FBXL7: variants seen among roughly 807,000 people sequenced by gnomAD.
FBXL7 encodes the protein F-box and leucine rich repeat protein 7.
Under a neutral mutation model 38.3 loss-of-function variants are expected in FBXL7, and 12 were observed. That is an observed-to-expected ratio of 0.31 (90% CI 0.20 to 0.51). FBXL7 has a LOEUF of 0.51. FBXL7 is among the 20% of genes least tolerant of loss of function. FBXL7 has a pLI of 0.98. For missense variants in FBXL7, 567 were observed against 676.4 expected (o/e 0.84, Z 1.79); for synonymous variants, 297 against 300.9 (o/e 0.99, Z 0.13).
At chr5:15,620,596 C>T (rs1180500513) in intron 2 of FBXL7, among the ~76,000 whole-genome samples, 4 of 151,964 alleles carry the variant, frequency 2.6e-5, no homozygotes, top group African/African-American at 4.8e-5. Flanking sequence ...GGGGAGAGAT[C>T]GGGCCAGCAG....
intron 2 of FBXL7, among the ~76,000 whole-genome samples, chr5:15,689,853 C>G (rs1328596908): frequency 6.6e-6 from 1 of 152,202 alleles, no homozygotes; most frequent in African/African-American, 2.4e-5. Flanking sequence ...ACCAGGGATT[C>G]TCAACCTTGG....
chr5:15,524,372 G>A (rs2126379852), intron 1 of FBXL7, among the ~76,000 whole-genome samples: 1 of 152,260 alleles, frequency 6.6e-6, no homozygotes, highest in Non-Finnish European at 1.5e-5. Flanking sequence ...GGGGGCTGAA[G>A]GGCTCATTTC....
rs1012205227 is a variant in FBXL7 at position 15,928,712 on chromosome 5, C to CT, written c.739+221dup. On this transcript the variant is annotated intron_variant, in intron 3 of 3. Coordinates refer to ENST00000504595, the MANE Select transcript of FBXL7 (RefSeq NM_012304.5). This position sits in a 1 kb window ranked among gnomAD's most constrained non-coding sequence, Gnocchi z 4.0. ...CCCTTTCATCAAATAATGTCCACTT[C>CT]TTTTTTTTTTATTATTATACTTTAA... Among the ~76,000 whole-genome samples the CT allele has an allele frequency of 1.9e-4, 28 of 149,774 alleles. No individual in the cohort carries two copies. Among genetic ancestry groups the CT allele is most frequent in the Admixed American group, 7.3e-4 (11 of 15,016 alleles).
intron 1 of FBXL7, among the ~76,000 whole-genome samples, chr5:15,566,950 T>C (rs776781552): frequency 3.9e-5 from 6 of 152,080 alleles, no homozygotes; most frequent in Non-Finnish European, 7.4e-5. Flanking sequence ...AGACAGTGAG[T>C]CACACAGGAT....
chr5:15,789,419 C>T (rs906221048), intron 2 of FBXL7, among the ~76,000 whole-genome samples: 5 of 152,140 alleles, frequency 3.3e-5, no homozygotes, highest in African/African-American at 1.2e-4. Flanking sequence ...GCTTTTTCCA[C>T]CTGCACAGCC....
At chr5:15,599,975 T>C (rs1030688197) in intron 1 of FBXL7, among the ~76,000 whole-genome samples, 4 of 152,162 alleles carry the variant, frequency 2.6e-5, no homozygotes, top group African/African-American at 9.7e-5. Flanking sequence ...TTATACTGAA[T>C]GAGATGGCCA....
At chr5:15,863,693 C>A (rs577170034) in intron 2 of FBXL7, among the ~76,000 whole-genome samples, 1 of 152,242 alleles carries the variant, frequency 6.6e-6, no homozygotes, top group South Asian at 2.1e-4. Context: ...GGAGACAGAG[C>A]CCTCATGAAT....
chr5:15,641,984 T>TCC (rs1305476261), intron 2 of FBXL7, among the ~76,000 whole-genome samples: 1 of 145,110 alleles, frequency 6.9e-6, no homozygotes, highest in Non-Finnish European at 1.5e-5. Context: ...TGTGTGTGTG[T>TCC]GTCCTATTGG....
At chr5:15,806,186 G>C (rs541237770) in intron 2 of FBXL7, among the ~76,000 whole-genome samples, 1 of 152,162 alleles carries the variant, frequency 6.6e-6, no homozygotes, top group South Asian at 2.1e-4. Context: ...CACTACTTCA[G>C]TATGCTTGTT....
intron 2 of FBXL7, among the ~76,000 whole-genome samples, chr5:15,792,997 A>G (rs1400813647): frequency 1.3e-5 from 2 of 152,160 alleles, no homozygotes; most frequent in Admixed American, 1.3e-4. Context: ...GGTAGGAGAA[A>G]GTCTACTTCC....
At chr5:15,633,894 C>T (rs1251894627) in intron 2 of FBXL7, among the ~76,000 whole-genome samples, 4 of 151,890 alleles carry the variant, frequency 2.6e-5, no homozygotes, top group Admixed American at 2.0e-4. Flanking sequence ...AGTTCTCCTG[C>T]CTCAGCCTCC....
At chr5:15,814,350 T>C (rs1283029411) in intron 2 of FBXL7, among the ~76,000 whole-genome samples, 1 of 152,128 alleles carries the variant, frequency 6.6e-6, no homozygotes, top group East Asian at 1.9e-4. Flanking sequence ...CACTGCATGT[T>C]CTCACTCTTA....
intron 2 of FBXL7, among the ~76,000 whole-genome samples, chr5:15,904,199 G>T (rs35073570): frequency 0.012 from 1,897 of 152,182 alleles, 10 homozygotes; most frequent in Admixed American, 0.019. Flanking sequence ...TGTTTTGATA[G>T]GTTTTCAAGA....
chr5:15,660,484 G>A lies in FBXL7; in HGVS notation c.127+44412G>A, dbSNP rs181703543. Among the ~76,000 whole-genome samples, 672 of 152,266 alleles carry A rather than the reference G, an allele frequency of 4.4e-3. 3 individuals are homozygous for A. The highest frequency in any genetic ancestry group is 0.017 in the Middle Eastern group (5 of 294). On this transcript the variant is annotated intron_variant, in intron 2 of 3. Transcript: ENST00000504595. ...TGATTCTGCTGGCTCAGCCTCCCAAGTAGCTGGGATTACAGGCATCCACCA... is the reference window on the plus strand; with the variant it reads ...TGATTCTGCTGGCTCAGCCTCCCAAATAGCTGGGATTACAGGCATCCACCA...
At chr5:15,662,354 G>T (rs1292775581) in intron 2 of FBXL7, among the ~76,000 whole-genome samples, 1 of 152,040 alleles carries the variant, frequency 6.6e-6, no homozygotes, top group Non-Finnish European at 1.5e-5. Flanking sequence ...GGGTTTGTTT[G>T]TTTTTCTCCT....
At chr5:15,582,860 A>G (rs1006797616) in intron 1 of FBXL7, among the ~76,000 whole-genome samples, 12 of 151,736 alleles carry the variant, frequency 7.9e-5, no homozygotes, top group Admixed American at 3.9e-4. Flanking sequence ...TAACAAAACA[A>G]TTTCCTTTTA....
chr5:15,594,797 T>C (rs987731832), intron 1 of FBXL7, among the ~76,000 whole-genome samples: 4 of 152,228 alleles, frequency 2.6e-5, no homozygotes, highest in Non-Finnish European at 5.9e-5. Context: ...GAATGACCTC[T>C]CTTCTTTGCA....
intron 2 of FBXL7, among the ~76,000 whole-genome samples, chr5:15,844,458 A>AG (rs1357723199): frequency 6.6e-6 from 1 of 152,230 alleles, no homozygotes; most frequent in African/African-American, 2.4e-5. Context: ...ACTGCTGGAC[A>AG]GTTCCCCAGG....
chr5:15,832,260 A>G (rs1410204356), intron 2 of FBXL7, among the ~76,000 whole-genome samples: 4 of 152,208 alleles, frequency 2.6e-5, no homozygotes, highest in African/African-American at 9.6e-5. Flanking sequence ...GAGAAAAAAG[A>G]TATAGAAGCA....
Sources: gnomAD v4.1 joint callset for allele counts (sites outside exome capture counted in the v4.1 genomes callset) on GRCh38, gnomAD v4.1.1 for gene constraint, Gnocchi (gnomAD v3.1) non-coding constraint, MANE v1.5 for transcripts, NCBI Gene and HGNC (gene_info 2026-07-23, HGNC 2026-07-21) for gene names.